Variants in SMG9 observed in about 807,000 individuals in gnomAD.
SMG9 encodes the protein nonsense-mediated mRNA decay factor SMG9.
Under a neutral mutation model 64.0 loss-of-function variants are expected in SMG9, and 55 were observed. That is an observed-to-expected ratio of 0.86 (90% CI 0.69 to 1.08). SMG9 has a LOEUF of 1.08. Among genes scored for constraint, SMG9 ranks in the 50% least tolerant of loss-of-function variants. The probability of loss-of-function intolerance (pLI) is 0.00; values close to 1 mark genes in which losing one functional copy is unlikely to be tolerated. For missense variants in SMG9, 554 were observed against 681.3 expected (o/e 0.81, Z 2.08); for synonymous variants, 244 against 254.8 (o/e 0.96, Z 0.41).
At chr19:43,736,830 T>G (rs1968684323) in intron 9 of SMG9, among the ~76,000 whole-genome samples, 1 of 152,036 alleles carries the variant, frequency 6.6e-6, no homozygotes, top group African/African-American at 2.4e-5. Context: ...GATGCTATGT[T>G]AGATGGTCAG....
rs747956190 is a variant in SMG9, at chr19:43,747,709, C to A, written c.414G>T (p.Glu138Asp). 10 of 1,610,752 alleles carry A rather than the reference C, an allele frequency of 6.2e-6. No homozygotes were observed. The highest frequency in any genetic ancestry group is 3.3e-4 in the Middle Eastern group (2 of 5,976). The change falls in exon 4 of 14, where the codon GAG becomes GAT. Residue 138 changes from glutamate (E) to aspartate (D), a missense_variant. Transcript: ENST00000270066. Reference protein sequence around the residue: ...AAPAPPKGEKEGQRPTQPVYQ... With the variant: ...AAPAPPKGEKDGQRPTQPVYQ... ...ACACAGGCTGTGTGGGTCTCTGCCCCTCCTTCTCCCCCTTGGGTGGCGCAG... is the reference window on the plus strand; with the variant it reads ...ACACAGGCTGTGTGGGTCTCTGCCCATCCTTCTCCCCCTTGGGTGGCGCAG...
At position 43,732,938 on chromosome 19, in the gene SMG9, G is replaced by A; in HGVS notation, c.1404C>T (p.Ser468=). The change falls in exon 13 of 14, where the codon TCC becomes TCT. Residue 468 remains serine, a synonymous_variant. Coordinates refer to ENST00000270066, the MANE Select transcript of SMG9 (RefSeq NM_019108.4). ...CTTGGCTCCGGAGCTTGCTCACCAA[G>A]GACTGGAAACTGGGGTGGCCACGAT... ...PGYRGHPSFQ[S]LVSKLRSQVM... 3 of 1,613,968 alleles carry A rather than the reference G, an allele frequency of 1.9e-6. No individual in the cohort carries two copies. Among genetic ancestry groups the A allele is most frequent in the South Asian group, 1.1e-5 (1 of 91,058 alleles).
At chr19:43,744,260 A>G (rs1968931420) in intron 6 of SMG9, among the ~76,000 whole-genome samples, 1 of 151,956 alleles carries the variant, frequency 6.6e-6, no homozygotes, top group African/African-American at 2.4e-5. Flanking sequence ...TGGTACAGAA[A>G]CCACTCTCTG....
intron 1 of SMG9, among the ~76,000 whole-genome samples, chr19:43,752,902 T>TTAAAAAAAAAAAAAAAAAAAAAAAAAA (rs1969231724): frequency 3.1e-5 from 3 of 96,312 alleles, no homozygotes; most frequent in Non-Finnish European, 6.2e-5. Flanking sequence ...AGACCCTGTC[T>TTAAAAAAAAAAAAAAAAAAAAAAAAAA]AAAAAAAAAA....
intron 1 of SMG9, among the ~76,000 whole-genome samples, chr19:43,753,722 A>G (rs1969264512): frequency 6.6e-6 from 1 of 150,740 alleles, no homozygotes; most frequent in South Asian, 2.1e-4. Flanking sequence ...CGGTCTCCCA[A>G]AGTGATCGGA....
In SMG9 at chr19:43,744,752, CCTAT is replaced by C. The variant is rs554990138; in HGVS notation, c.701+16_701+19del. 2.5e-3 allele frequency: 3,979 copies of C among 1,597,170 alleles called. 9 individuals carry two copies. Among genetic ancestry groups the C allele is most frequent in the Middle Eastern group, 3.2e-3 (19 of 5,984 alleles). On this transcript the variant is annotated intron_variant, in intron 6 of 13. Transcript: ENST00000270066. ...GTGGGTGCCCACCTCCCTCCTGCAC[CCTAT>C]CTGATAGCCCCTCACCTCTGGTCCT...
rs1487378177 is a variant in SMG9, at chr19:43,747,463, A to G, written c.567T>C (p.Asn189=). 9.3e-6 allele frequency: 15 copies of G among 1,613,950 alleles called. No individual in the cohort carries two copies. Among genetic ancestry groups the G allele is most frequent in the Non-Finnish European group, 1.3e-5 (15 of 1,180,026 alleles). ...GTACCTCGATGGCACTGTCACACCA[A>G]TTCATCTGGTCATCCACCAACTTGA... ...HSIKLVDDQM[N]WCDSAIEYLL... is the part of the protein sequence containing the mutation. The change falls in exon 5 of 14, where the codon AAT becomes AAC. Residue 189 remains asparagine (N), a synonymous_variant. Coordinates refer to ENST00000270066, the MANE Select transcript of SMG9 (RefSeq NM_019108.4).
chr19:43,732,224 G>A (rs1227108789), intron 13 of SMG9: 1 of 158,784 alleles, frequency 6.3e-6, no homozygotes, highest in Non-Finnish European at 1.4e-5. Flanking sequence ...CCAAGTTAGA[G>A]AGGCTGCACC....
Position 43,747,895 on chromosome 19 carries a change from T to C in SMG9, c.228A>G (p.Ser76=). ...GGGCTGTTGGAGGTGGTGGCTGTTT[T>C]GACTACGGAGGTAAAAAAAATCCCA... ...IILSKPPAER[S]KQPPPPTAPA... Residue 76 remains serine, a splice_region_variant and synonymous_variant, in exon 4 of 14, where the codon TCA becomes TCG. Coordinates refer to ENST00000270066, the MANE Select transcript of SMG9 (RefSeq NM_019108.4). 6.2e-7 allele frequency: 1 copy of C among 1,613,006 alleles called. No homozygotes were observed. Among genetic ancestry groups the C allele is most frequent in the East Asian group, 2.2e-5 (1 of 44,876 alleles).
chr19:43,750,218 T>C (rs756922221), intron 2 of SMG9: 2 of 531,402 alleles, frequency 3.8e-6, no homozygotes, highest in African/African-American at 1.9e-5. Context: ...CTCCTATCTC[T>C]CTCCCTCCTT....
chr19:43,742,248 G>C (rs1262078087), intron 6 of SMG9, among the ~76,000 whole-genome samples: 2 of 152,260 alleles, frequency 1.3e-5, no homozygotes, highest in Admixed American at 1.3e-4. Flanking sequence ...CCCAGTCTGG[G>C]CAACACAGTG....
At position 43,747,983 on chromosome 19, in the gene SMG9, C is replaced by A. The variant is rs776359906; in HGVS notation, c.220G>T (p.Glu74Ter). The change falls in exon 3 of 14, where the codon GAG becomes TAG. Residue 74 changes from glutamate to a stop codon, truncating the protein, a stop_gained. Coordinates refer to ENST00000270066, the MANE Select transcript of SMG9 (RefSeq NM_019108.4). LOFTEE classifies it high-confidence loss of function. ...CTCCCTCCTTCTCTGCTCACCCGCT[C>A]TGCTGGAGGTTTTGAGAGGATGATG... is the stretch of plus-strand genomic sequence containing the variant. ...TPIILSKPPA[E>*]RSKQPPPPTA... 8 of 1,614,048 alleles carry A rather than the reference C, an allele frequency of 5.0e-6. No individual in the cohort carries two copies. In the East Asian group the frequency reaches 1.6e-4, roughly 31 times the overall value.
In SMG9 at chr19:43,747,739, T is replaced by C; in HGVS notation, c.384A>G (p.Ala128=). ...TPEGTAPPPP[A]APAPPKGEKE... ...TCTCCCCCTTGGGTGGCGCAGGGGC[T>C]GCAGGGGGTGGTGGGGCGGTGCCCT... Residue 128 remains alanine, a synonymous_variant, in exon 4 of 14, where the codon GCA becomes GCG. Coordinates refer to ENST00000270066, the MANE Select transcript of SMG9 (RefSeq NM_019108.4). The C allele has an allele frequency of 6.2e-7, 1 of 1,610,746 alleles. No homozygotes were observed. The highest frequency in any genetic ancestry group is 8.5e-7 in the Non-Finnish European group (1 of 1,178,912).
chr19:43,739,230 A>G (rs1438565434), intron 7 of SMG9, among the ~76,000 whole-genome samples: 1 of 152,240 alleles, frequency 6.6e-6, no homozygotes, highest in Non-Finnish European at 1.5e-5. Flanking sequence ...ACGCAAGGCG[A>G]GAGCCTATTG....
chr19:43,751,872 A>G (rs1485881198), intron 1 of SMG9, among the ~76,000 whole-genome samples: 1 of 152,228 alleles, frequency 6.6e-6, no homozygotes, highest in Non-Finnish European at 1.5e-5. Context: ...ATACACATCT[A>G]TCTCTTACTT....
intron 5 of SMG9, among the ~76,000 whole-genome samples, chr19:43,746,098 G>A (rs10164357): frequency 0.048 from 7,364 of 152,198 alleles, 250 homozygotes; most frequent in African/African-American, 0.1. Context: ...GCTTGAACCC[G>A]GGAGGTGGAG....
chr19:43,741,974 C>CAACATGG (rs1968858876), intron 6 of SMG9, among the ~76,000 whole-genome samples: 5 of 152,002 alleles, frequency 3.3e-5, no homozygotes, highest in African/African-American at 1.2e-4. Context: ...ATGGTGAAAC[C>CAACATGG]CTGTCTCTAT....
At chr19:43,750,137 C>G in intron 2 of SMG9, 3 of 521,192 alleles carry the variant, frequency 5.8e-6, no homozygotes, top group Non-Finnish European at 1.2e-5. Flanking sequence ...CAATTTCACT[C>G]AGTGAAATAC....
chr19:43,737,628 G>C lies in SMG9; in HGVS notation c.964C>G (p.Gln322Glu). 1 of 1,613,914 alleles carries C rather than the reference G, an allele frequency of 6.2e-7. No individual in the cohort carries two copies. The highest frequency in any genetic ancestry group is 1.3e-5 in the African/African-American group (1 of 75,018). The change falls in exon 9 of 14, where the codon CAG becomes GAG. Residue 322 changes from glutamine (Q) to glutamate (E), a missense_variant. Coordinates refer to ENST00000270066, the MANE Select transcript of SMG9 (RefSeq NM_019108.4). ...FTVCHVVIVV[Q>E]DWFTDLSLYR... ...AGACTGAGGTCTGTGAACCAGTCCT[G>C]GACAACAATCACCACATGGCAGACC...
Sources: gnomAD v4.1 joint callset for allele counts (sites outside exome capture counted in the v4.1 genomes callset) on GRCh38, gnomAD v4.1.1 for gene constraint, MANE v1.5 for transcripts, NCBI Gene and HGNC (gene_info 2026-07-23, HGNC 2026-07-21) for gene names.